Variants in NLK observed in about 807,000 individuals in gnomAD.
NLK encodes serine/threonine-protein kinase NLK.
NLK carries 11 observed loss-of-function variants against 59.0 expected under a neutral mutation model. That is an observed-to-expected ratio of 0.19 (90% confidence interval 0.12 to 0.31). The LOEUF is 0.31. NLK is among the 10% of genes least tolerant of loss of function. The pLI is 1.00. For synonymous variants in NLK, 235 were observed against 235.9 expected, an observed-to-expected ratio of 1.00 and a Z score of 0.03; for missense variants, 410 against 661.1, an observed-to-expected ratio of 0.62 and a Z score of 4.16.
chr17:28,121,569 C>G (rs1381834866), intron 1 of NLK, among the ~76,000 whole-genome samples: 1 of 113,818 alleles, frequency 8.8e-6, no homozygotes, highest in Non-Finnish European at 1.6e-5. Context: ...GTCAAGAAAT[C>G]TTGGCTAACT....
chr17:28,118,366 A>C (rs937393483), intron 1 of NLK, among the ~76,000 whole-genome samples: 12 of 152,194 alleles, frequency 7.9e-5, no homozygotes, highest in Admixed American at 2.6e-4. Flanking sequence ...TCTTTTTATT[A>C]TATTATGTAT....
At chr17:28,054,867 C>G (rs981271598) in intron 1 of NLK, among the ~76,000 whole-genome samples, 2 of 152,266 alleles carry the variant, frequency 1.3e-5, no homozygotes, top group African/African-American at 4.8e-5. Flanking sequence ...GGCTTTGTAG[C>G]AAGAGCTCAT....
intron 1 of NLK, among the ~76,000 whole-genome samples, chr17:28,096,278 A>G (rs1038537874): frequency 2.0e-5 from 3 of 152,188 alleles, no homozygotes; most frequent in Non-Finnish European, 4.4e-5. Context: ...CCTTGATTCT[A>G]CTATGTAAAA....
intron 3 of NLK, among the ~76,000 whole-genome samples, chr17:28,142,600 A>G (rs146798840): frequency 1.3e-5 from 2 of 152,318 alleles, no homozygotes; most frequent in East Asian, 3.9e-4. Context: ...GAAATCAACC[A>G]TATCTGTAAA....
At chr17:28,055,041 G>A (rs1051918155) in intron 1 of NLK, among the ~76,000 whole-genome samples, 11 of 151,880 alleles carry the variant, frequency 7.2e-5, no homozygotes, top group South Asian at 6.2e-4. Context: ...TGTATACAGC[G>A]GAGATAGTAA....
intron 7 of NLK, among the ~76,000 whole-genome samples, chr17:28,177,838 C>G (rs1460461842): frequency 6.6e-6 from 1 of 152,192 alleles, no homozygotes; most frequent in East Asian, 1.9e-4. Flanking sequence ...TTACTTGTGT[C>G]AAGGATCCAG....
At chr17:28,170,083 A>ACT (rs1436620928) in intron 6 of NLK, among the ~76,000 whole-genome samples, 1 of 152,202 alleles carries the variant, frequency 6.6e-6, no homozygotes, top group African/African-American at 2.4e-5. Context: ...AGGCAGTAAG[A>ACT]TGCTGGAGAA....
At chr17:28,176,540 T>C (rs1908688506) in intron 7 of NLK, among the ~76,000 whole-genome samples, 1 of 152,208 alleles carries the variant, frequency 6.6e-6, no homozygotes, top group East Asian at 1.9e-4. Context: ...TTAACAGAAG[T>C]TAAATAACAT....
At chr17:28,164,446 G>C (rs1463082648) in intron 5 of NLK, among the ~76,000 whole-genome samples, 2 of 151,410 alleles carry the variant, frequency 1.3e-5, no homozygotes, top group African/African-American at 4.9e-5. Flanking sequence ...TTTCCATAAT[G>C]TATAGTAGCC....
chr17:28,113,509 A>G (rs570059260), intron 1 of NLK, among the ~76,000 whole-genome samples: 4 of 152,346 alleles, frequency 2.6e-5, no homozygotes, highest in Middle Eastern at 3.4e-3. Context: ...TAGGCCATAT[A>G]GGGTAACTTC....
chr17:28,072,989 A>AT (rs1208881981), intron 1 of NLK, among the ~76,000 whole-genome samples: 1 of 147,794 alleles, frequency 6.8e-6, no homozygotes, highest in African/African-American at 2.5e-5. Flanking sequence ...TTAGAACTTT[A>AT]TTTTTTGTGA....
At chr17:28,073,233 C>T (rs1383025517) in intron 1 of NLK, among the ~76,000 whole-genome samples, 2 of 152,152 alleles carry the variant, frequency 1.3e-5, no homozygotes, top group Non-Finnish European at 2.9e-5. Context: ...CATTATCGCC[C>T]TCTGCAGAAT....
intron 8 of NLK, 117 bp from the exon 9 acceptor site, chr17:28,190,904 A>C: frequency 1.5e-6 from 1 of 668,102 alleles, no homozygotes; most frequent in African/African-American, 1.8e-5. Context: ...TTTGGACGGG[A>C]TGTACTATAA....
intron 3 of NLK, among the ~76,000 whole-genome samples, chr17:28,142,859 C>A (rs1907066618): frequency 6.6e-6 from 1 of 152,062 alleles, no homozygotes; most frequent in African/African-American, 2.4e-5. Flanking sequence ...AAGTGCTTAA[C>A]TGTGTTATTG....
At chr17:28,170,408 A>G (rs1024597136) in intron 6 of NLK, among the ~76,000 whole-genome samples, 1 of 151,740 alleles carries the variant, frequency 6.6e-6, no homozygotes, top group African/African-American at 2.4e-5. Flanking sequence ...TGCTTTTTCT[A>G]CAAAGAATTT....
the NLK span, among the ~76,000 whole-genome samples, chr17:28,205,462 A>G: frequency 6.6e-6 from 1 of 152,194 alleles, no homozygotes; most frequent in Non-Finnish European, 1.5e-5. Flanking sequence ...AACAAGAAGA[A>G]ACAAGAAAAG....
intron 8 of NLK, among the ~76,000 whole-genome samples, chr17:28,190,300 T>C (rs868012099): frequency 1.9e-4 from 29 of 152,222 alleles, no homozygotes; most frequent in African/African-American, 7.0e-4. Flanking sequence ...AACTTAAAAC[T>C]CATGCATTCA....
At chr17:28,136,617 T>C (rs1906757135) in intron 3 of NLK, among the ~76,000 whole-genome samples, 1 of 152,170 alleles carries the variant, frequency 6.6e-6, no homozygotes, top group Admixed American at 6.5e-5. Flanking sequence ...TTTGTTTTGT[T>C]TTGAGACAGA....
intron 1 of NLK, among the ~76,000 whole-genome samples, chr17:28,046,570 C>T (rs1170487619): frequency 6.6e-6 from 1 of 152,124 alleles, no homozygotes; most frequent in Non-Finnish European, 1.5e-5. Context: ...CAAAGCAACC[C>T]ACAAATAGTA....
Sources: gnomAD v4.1 joint callset for allele counts (sites outside exome capture counted in the v4.1 genomes callset) on GRCh38, gnomAD v4.1.1 for gene constraint, MANE v1.5 for transcripts, NCBI Gene and HGNC (gene_info 2026-07-23, HGNC 2026-07-21) for gene names.